Variants in CUL4B observed in about 807,000 individuals in gnomAD.
CUL4B encodes the protein cullin-4B.
In CUL4B, 1 loss-of-function variant was observed where a neutral mutation model predicts 69.2. The ratio of observed to expected loss-of-function variants is 0.01; its 90% CI spans 0.01 to 0.07. CUL4B has a LOEUF of 0.07. Among genes scored for constraint, CUL4B ranks in the 10% least tolerant of loss-of-function variants. The pLI is 1.00. For synonymous variants in CUL4B, 237 were observed against 223.2 expected (o/e 1.06, Z -0.55); for missense variants, 328 against 638.8 (o/e 0.51, Z 5.24).
Position 120,556,734 on chromosome X carries a change from T to C in CUL4B, c.672+1190A>G, listed in dbSNP as rs189190850. Reference sequence around the variant, plus strand: ...AGTACCTGGCCCAAGATTATGAGGGTAACAGCAGTCAAAACTAGATCCCAA... The same window carrying C: ...AGTACCTGGCCCAAGATTATGAGGGCAACAGCAGTCAAAACTAGATCCCAA... On this transcript the variant is annotated intron_variant, in intron 2 of 19. Transcript: ENST00000371322. 7.3e-3 allele frequency among the ~76,000 whole-genome samples: 797 copies of C among 109,313 alleles called. 8 individuals carry two copies. The highest frequency in any genetic ancestry group is 0.024 in the African/African-American group (720 of 29,929). 94.9% of individuals were successfully genotyped at this position (109,313 alleles called of 115,157 possible).
At chrX:120,568,467 C>A (rs1054426191), downstream of CUL4B, among the ~76,000 whole-genome samples, 4 of 111,746 alleles carry the variant, frequency 3.6e-5, no homozygotes, top group Admixed American at 9.5e-5. Flanking sequence ...TCACTCACCT[C>A]AGGGAAGTTT....
At chrX:120,549,282 G>A (rs1243941657) in intron 2 of CUL4B, among the ~76,000 whole-genome samples, 2 of 112,262 alleles carry the variant, frequency 1.8e-5, no homozygotes, top group Non-Finnish European at 3.8e-5. Context: ...GGCAGAGCGC[G>A]GTGGCTCACG....
At chrX:120,538,046 C>T in intron 14 of CUL4B, 78 bp downstream of exon 14, 1 of 692,095 alleles carries the variant, frequency 1.4e-6, no homozygotes, top group Non-Finnish European at 2.3e-6. Context: ...TCTATTTATC[C>T]TCTTTAGTAC....
rs1922929591 is a variant in CUL4B, at chrX:120,525,656, G to A, written c.*1105C>T. 9.0e-6 allele frequency: 1 copy of A among 111,074 alleles called. No homozygotes were observed. Among genetic ancestry groups the A allele is most frequent in the Non-Finnish European group, 1.9e-5 (1 of 52,964 alleles). The allele number at this position is 111,074 out of a possible 1,213,427, so 9.2% of individuals were successfully genotyped here. On this transcript the variant is annotated 3_prime_UTR_variant, in exon 20 of 20. Transcript: ENST00000371322. ...ACAGGGGCTCTGTGGGAAAAATGAG[G>A]GAGGACCTTTGTATCTAGGGTTTTA...
chrX:120,569,979 G>C (rs1925668238), downstream of CUL4B, among the ~76,000 whole-genome samples: 1 of 111,868 alleles, frequency 8.9e-6, no homozygotes, highest in African/African-American at 3.2e-5. Flanking sequence ...AAGGAGACTA[G>C]TTATTAGAGT....
At chrX:120,557,379 A>G (rs1037364090) in intron 2 of CUL4B, among the ~76,000 whole-genome samples, 7 of 111,907 alleles carry the variant, frequency 6.3e-5, no homozygotes, top group South Asian at 3.7e-4. Context: ...CTAAGTAAAG[A>G]ATCTGAACCT....
chrX:120,564,045 G>A (rs189020846), upstream of CUL4B, among the ~76,000 whole-genome samples: 254 of 112,533 alleles, frequency 2.3e-3, 1 homozygote, highest in African/African-American at 7.9e-3. Context: ...GCTCATGCCT[G>A]TAATCCCAGC....
intron 2 of CUL4B, among the ~76,000 whole-genome samples, chrX:120,556,981 G>A (rs188216946): frequency 1.1e-4 from 12 of 106,593 alleles, no homozygotes; most frequent in Non-Finnish European, 1.9e-4. Context: ...GTGCAATCTC[G>A]GCTCACCGCA....
At chrX:120,559,855 A>G in intron 1 of CUL4B, 1 of 1,139,906 alleles carries the variant, frequency 8.8e-7, no homozygotes, top group African/African-American at 1.8e-5. Context: ...GTTGAAAAAG[A>G]CCTCAAAATA....
At chrX:120,554,722 G>A (rs1444595619) in intron 2 of CUL4B, among the ~76,000 whole-genome samples, 1 of 112,025 alleles carries the variant, frequency 8.9e-6, no homozygotes, top group African/African-American at 3.2e-5. Context: ...GAGAAAGAGG[G>A]TGGGACAGGG....
chrX:120,569,429 T>C (rs1925650147), downstream of CUL4B, among the ~76,000 whole-genome samples: 3 of 107,961 alleles, frequency 2.8e-5, no homozygotes, highest in Admixed American at 2.0e-4. Flanking sequence ...GGTGCCATCT[T>C]GGCTCACTGC....
downstream of CUL4B, among the ~76,000 whole-genome samples, chrX:120,567,872 G>GAAA (rs747462675): frequency 1.3e-5 from 1 of 76,415 alleles, no homozygotes. Flanking sequence ...AGACTCTGAA[G>GAAA]AAAAAAAAAA....
At position 120,525,747 on chromosome X, in the gene CUL4B, TA is replaced by T. The variant is rs1303985905; in HGVS notation, c.*1013del. ...ACAAAGAGAAGAGTTGGGATGCTTC[TA>T]AAAAAAACTTTGGTAGAGAAAATAG... On this transcript the variant is annotated 3_prime_UTR_variant, in exon 20 of 20. Coordinates refer to ENST00000371322, the MANE Select transcript of CUL4B (RefSeq NM_001079872.2). 3.6e-5 allele frequency: 4 copies of T among 110,933 alleles called. No homozygotes were observed. The South Asian group carries it at 1.1e-3, about 31-fold the overall frequency. The allele number at this position is 110,933 out of a possible 1,213,427, so 9.1% of individuals were successfully genotyped here.
intron 2 of CUL4B, among the ~76,000 whole-genome samples, chrX:120,573,436 C>A (rs1925771005): frequency 8.9e-6 from 1 of 111,756 alleles, no homozygotes; most frequent in Non-Finnish European, 1.9e-5. Flanking sequence ...TAACATAAAT[C>A]TGTGCATGTA....
chrX:120,530,340 T>C (rs1923234739), intron 18 of CUL4B, 86 bp from the exon 19 acceptor site: 13 of 888,406 alleles, frequency 1.5e-5, no homozygotes, highest in Admixed American at 2.2e-5. Flanking sequence ...GGACATGACA[T>C]TGTTATTGCT....
rs1012248414 is a variant in CUL4B at position 120,525,771 on chromosome X, T to C, written c.*990A>G. 9.0e-6 allele frequency: 1 copy of C among 111,185 alleles called. No homozygotes were observed. Among genetic ancestry groups the C allele is most frequent in the African/African-American group, 3.3e-5 (1 of 30,625 alleles). The allele number at this position is 111,185 out of a possible 1,213,427, so 9.2% of individuals were successfully genotyped here. A position where few individuals can be genotyped will look rare whatever the true frequency, so the allele number is the denominator to read the frequency against. On this transcript the variant is annotated 3_prime_UTR_variant, in exon 20 of 20. Transcript: ENST00000371322. ...CTAAAAAAAACTTTGGTAGAGAAAATAGGAATGCTAAATCCTAGGAAGCCT... is the reference window on the plus strand; with the variant it reads ...CTAAAAAAAACTTTGGTAGAGAAAACAGGAATGCTAAATCCTAGGAAGCCT...
chrX:120,562,004 G>A (rs1925347254), upstream of CUL4B, among the ~76,000 whole-genome samples: 1 of 111,149 alleles, frequency 9.0e-6, no homozygotes, highest in African/African-American at 3.3e-5. Context: ...TTACTACCAG[G>A]AGCATTTTCT....
intron 2 of CUL4B, among the ~76,000 whole-genome samples, chrX:120,555,779 T>C (rs1924925773): frequency 9.2e-6 from 1 of 108,596 alleles, no homozygotes; most frequent in South Asian, 4.0e-4. Context: ...CTGTCTCTAC[T>C]AAAAATACAA....
chrX:120,562,546 A>G (rs2285551), upstream of CUL4B, among the ~76,000 whole-genome samples: 1 of 112,179 alleles, frequency 8.9e-6, no homozygotes, highest in East Asian at 2.8e-4. Context: ...CCATAACAAT[A>G]ATATGACATA....
Sources: allele counts gnomAD v4.1 joint callset (sites outside exome capture counted in the v4.1 genomes callset), GRCh38; gene constraint gnomAD v4.1.1; transcripts MANE v1.5; gene names NCBI Gene and HGNC (gene_info 2026-07-23, HGNC 2026-07-21).